CDHR4: variants seen among roughly 807,000 people sequenced by gnomAD.
CDHR4 encodes cadherin related family member 4.
A neutral mutation model predicts 88.4 loss-of-function variants in CDHR4; 89 were observed. The observed-to-expected ratio is 1.01, with a 90% CI of 0.85 to 1.20. The LOEUF (loss-of-function observed/expected upper bound fraction) is 1.20, where lower values mean the gene tolerates loss of function less well. Among genes scored for constraint, CDHR4 ranks in the 50% most tolerant of loss-of-function variants. CDHR4 has a pLI of 0.00. For synonymous variants in CDHR4, 368 were observed against 399.2 expected, an observed-to-expected ratio of 0.92 and a Z score of 0.93; for missense variants, 914 against 1,007.2, an observed-to-expected ratio of 0.91 and a Z score of 1.25.
intron 1 of CDHR4, 131 bp downstream of exon 1, chr3:49,799,633 G>A: frequency 9.1e-7 from 1 of 1,096,540 alleles, no homozygotes; most frequent in Non-Finnish European, 1.3e-6. Flanking sequence ...AAGAGAAGGG[G>A]TGAGGGCCAG....
rs565994358 is a variant in CDHR4, at chr3:49,799,098, T to G, written c.299A>C (p.Gln100Pro). 6.3e-6 allele frequency: 10 copies of G among 1,577,188 alleles called. No individual in the cohort carries two copies. In the South Asian group the frequency reaches 1.2e-4, roughly 18 times the overall value. The change falls in exon 3 of 19, where the codon CAG (glutamine) becomes CCG (proline). Residue 100 changes from glutamine to proline, a missense_variant. Physicochemically the swap from Gln to Pro is moderately conservative, Grantham distance 76 (BLOSUM62 -1). Coordinates refer to ENST00000412678, the MANE Select transcript of CDHR4 (RefSeq NM_001007540.4). ...DALMVNHYKV[Q>P]LKFTCGNHVM... ...ATGGTTGCCACATGTGAACTTCAGC[T>G]GCACCTTGTAGTGGTTCACCATCAG...
intron 12 of CDHR4, 101 bp downstream of exon 12, chr3:49,793,482 G>A (rs1454702517): frequency 6.7e-6 from 10 of 1,488,196 alleles, no homozygotes. Flanking sequence ...GCCAACTCGT[G>A]GAAGAAACCA....
At chr3:49,802,489 C>T (rs1335903660), upstream of CDHR4, among the ~76,000 whole-genome samples, 2 of 152,172 alleles carry the variant, frequency 1.3e-5, no homozygotes, top group Admixed American at 1.3e-4. Flanking sequence ...TGCCCCTCTT[C>T]TTGATTGCAT....
chr3:49,795,185 C>A lies in CDHR4; in HGVS notation c.1031+11G>T. On this transcript the variant is annotated intron_variant, in intron 8 of 18. Transcript: ENST00000412678. This position sits in a 1 kb window ranked among gnomAD's most constrained non-coding sequence, Gnocchi z 5.4. ...ACCCCAGCAGCCCAAGTATGGTTCC[C>A]GGGTACTCACACCAGAAGCGCTGGG... is the stretch of plus-strand genomic sequence containing the variant. The A allele has an allele frequency of 6.4e-7, 1 of 1,551,590 alleles. No individual in the cohort carries two copies. Among genetic ancestry groups the A allele is most frequent in the Non-Finnish European group, 8.7e-7 (1 of 1,146,958 alleles).
Position 49,794,214 on chromosome 3 carries a change from C to G in CDHR4, c.1280-208G>C, listed in dbSNP as rs1480194419. On this transcript the variant is annotated intron_variant, in intron 10 of 18. Transcript: ENST00000412678. ...GAGATTGAGACTATCCTGGCTAACA[C>G]AGTGAAACCCCGTCTCTACTGAAAA... is the stretch of plus-strand genomic sequence containing the variant. Among the ~76,000 whole-genome samples the G allele has an allele frequency of 2.0e-5, 3 of 152,088 alleles. No homozygotes were observed. In the East Asian group the frequency reaches 5.8e-4, roughly 29 times the overall value.
upstream of CDHR4, among the ~76,000 whole-genome samples, chr3:49,800,706 C>A (rs1388494098): frequency 1.3e-5 from 2 of 151,968 alleles, no homozygotes. Context: ...CAGATTTTAA[C>A]ATTTACTGGG....
rs772050771 is a variant in CDHR4, at chr3:49,795,030, C to G, written c.1102G>C (p.Val368Leu). The change falls in exon 9 of 19, where the codon GTT becomes CTT. Residue 368 changes from valine to leucine, a missense_variant. Val to Leu is a conservative substitution (Grantham distance 32, BLOSUM62 1). Coordinates refer to ENST00000412678, the MANE Select transcript of CDHR4 (RefSeq NM_001007540.4). This position sits in a 1 kb window ranked among gnomAD's most constrained non-coding sequence, Gnocchi z 5.4. ...NTLTCEDPDS[V>L]GATLDYKLWF... ...AGCTTGTAGTCCAGGGTGGCACCAA[C>G]AGAGTCCGGATCTTCGCAAGTGAGA... 3 of 1,551,574 alleles carry G rather than the reference C, an allele frequency of 1.9e-6. No individual in the cohort carries two copies. The highest frequency in any genetic ancestry group is 2.6e-6 in the Non-Finnish European group (3 of 1,146,994).
At chr3:49,798,967 C>G (rs1302164985) in intron 3 of CDHR4, 27 bp downstream of exon 3, 3 of 1,610,926 alleles carry the variant, frequency 1.9e-6, no homozygotes, top group South Asian at 2.2e-5. Context: ...TGCCTGCCCC[C>G]ACCCTGCCGG....
rs1460737011 is a variant in CDHR4, at chr3:49,793,717, C to T, written c.1489G>A (p.Val497Ile). The T allele has an allele frequency of 6.4e-7, 1 of 1,551,630 alleles. No individual in the cohort carries two copies. Among genetic ancestry groups the T allele is most frequent in the African/African-American group, 1.4e-5 (1 of 73,068 alleles). Residue 497 changes from valine to isoleucine, a missense_variant, in exon 12 of 19, where the codon GTT becomes ATT. By Grantham distance (29) the Val-to-Ile change is conservative. Coordinates refer to ENST00000412678, the MANE Select transcript of CDHR4 (RefSeq NM_001007540.4). Reference sequence around the variant, plus strand: ...TAGTCCAAAGGTCCCAGGAGGTGAACTTCCCCTAGAGGGGGAGACCACAGC... The same window carrying T: ...TAGTCCAAAGGTCCCAGGAGGTGAATTTCCCCTAGAGGGGGAGACCACAGC... The part of the protein sequence containing the change: ...TFAVDRLSGE[V>I]HLLGPLDYEQ...
rs2108283419 is a variant in CDHR4 at position 49,795,700 on chromosome 3, G to A, written c.775C>T (p.Gln259Ter). ...TAGCGCAGGTCGACACCCCGGGCCTGGACCTGAACCACCTCACTACCGGGG... is the reference window on the plus strand; with the variant it reads ...TAGCGCAGGTCGACACCCCGGGCCTAGACCTGAACCACCTCACTACCGGGG... ...LAPGSEVVQVQARGVDLRYEI... is the reference protein window; with the variant it reads ...LAPGSEVVQV Residue 259 changes from glutamine to a stop codon, truncating the protein, a stop_gained, in exon 7 of 19, where the codon CAG becomes TAG. Coordinates refer to ENST00000412678, the MANE Select transcript of CDHR4 (RefSeq NM_001007540.4). LOFTEE classifies it high-confidence loss of function. This position sits in a 1 kb window ranked among gnomAD's most constrained non-coding sequence, Gnocchi z 5.4. The A allele has an allele frequency of 6.4e-7, 1 of 1,551,706 alleles. No homozygotes were observed. The highest frequency in any genetic ancestry group is 1.2e-5 in the South Asian group (1 of 84,056).
At chr3:49,798,970 C>G in intron 3 of CDHR4, 24 bp downstream of exon 3, 1 of 1,610,982 alleles carries the variant, frequency 6.2e-7, no homozygotes, top group South Asian at 1.1e-5. Flanking sequence ...CTGCCCCCAC[C>G]CTGCCGGCTG....
At position 49,790,876 on chromosome 3, in the gene CDHR4, C is replaced by T; in HGVS notation, c.2323G>A (p.Asp775Asn). Residue 775 changes from aspartate to asparagine, a missense_variant, in exon 19 of 19, where the codon GAC (aspartate) becomes AAC (asparagine). Physicochemically the swap from Asp to Asn is conservative, Grantham distance 23. Transcript: ENST00000412678. ...CCTGTGTGTGTGTTAAACAGGTAGT[C>T]TCTTCCGGTACCTAAAACCGGTAGG... Reference protein sequence around the residue: ...GRAQDSRTGRDYLFNTHTGAR... With the variant: ...GRAQDSRTGRNYLFNTHTGAR... The T allele has an allele frequency of 6.4e-7, 1 of 1,551,340 alleles. No homozygotes were observed.
Position 49,797,027 on chromosome 3 carries a change from G to A in CDHR4, c.501C>T (p.Ser167=), listed in dbSNP as rs1009944311. ...PGLELHGAQM[S]IISAQDLPHF... ...GTGGCAGGTCCTGGGCACTGATAAT[G>A]CTCATCTGACAGAACAGAGATGCTG... The change falls in exon 5 of 19, where the codon AGC becomes AGT. Residue 167 remains serine, a synonymous_variant. Coordinates refer to ENST00000412678, the MANE Select transcript of CDHR4 (RefSeq NM_001007540.4). 3.9e-6 allele frequency: 6 copies of A among 1,551,326 alleles called. No individual in the cohort carries two copies. The African/African-American group carries it at 6.8e-5, about 18-fold the overall frequency.
In CDHR4 at chr3:49,795,639, G is replaced by C; in HGVS notation, c.836C>G (p.Ser279Cys). The C allele has an allele frequency of 6.4e-7, 1 of 1,551,618 alleles. No individual in the cohort carries two copies. Among genetic ancestry groups the C allele is most frequent in the Non-Finnish European group, 8.7e-7 (1 of 1,146,978 alleles). Residue 279 changes from serine (S) to cysteine (C), a missense_variant, in exon 7 of 19, where the codon TCC becomes TGC. Ser to Cys is a moderately radical substitution (Grantham distance 112). Transcript: ENST00000412678. This position sits in a 1 kb window ranked among gnomAD's most constrained non-coding sequence, Gnocchi z 5.4. ...CCAACACCTCTCACCACGACCAATG[G>C]AGAAGAGTGGGCTGGGCACCGGAGA... ...ILSPVPSPLF[S>C]IGRADGVVRT...
chr3:49,794,409 A>G (rs113964024), intron 10 of CDHR4, among the ~76,000 whole-genome samples, 199 bp downstream of exon 10: 1 of 151,794 alleles, frequency 6.6e-6, no homozygotes, highest in African/African-American at 2.4e-5. Flanking sequence ...AAAAAAAAAA[A>G]AGAGAGTGAG....
At position 49,794,964 on chromosome 3, in the gene CDHR4, A is replaced by G. The variant is rs1226205602; in HGVS notation, c.1168T>C (p.Tyr390His). ...CTGGGCACCTCAAGGACTCTGTCAT[A>G]AAGGCAGAGGCTGGCAGGGTTGGAA... is the stretch of plus-strand genomic sequence containing the variant. ...SSSNPASLCL[Y>H]DRVLEVNATL... Residue 390 changes from tyrosine to histidine, a missense_variant, in exon 9 of 19, where the codon TAT becomes CAT. By Grantham distance (83) the Tyr-to-His change is moderately conservative. Coordinates refer to ENST00000412678, the MANE Select transcript of CDHR4 (RefSeq NM_001007540.4). 6.4e-7 allele frequency: 1 copy of G among 1,551,560 alleles called. No individual in the cohort carries two copies. Among genetic ancestry groups the G allele is most frequent in the Non-Finnish European group, 8.7e-7 (1 of 1,146,990 alleles).
At chr3:49,798,787 C>A (rs767572312) in intron 4 of CDHR4, 39 bp downstream of exon 4, 14 of 1,593,490 alleles carry the variant, frequency 8.8e-6, no homozygotes, top group Non-Finnish European at 1.2e-5. Context: ...ATCCCCCCAC[C>A]CCCATCCTGT....
chr3:49,796,114 C>T, intron 5 of CDHR4, 68 bp from the exon 6 acceptor site: 1 of 1,214,400 alleles, frequency 8.2e-7, no homozygotes, highest in Non-Finnish European at 1.1e-6. Context: ...ATGCCCAGTC[C>T]TCCCCTTAAA....
Position 49,795,696 on chromosome 3 carries a change from G to T in CDHR4, c.779C>A (p.Ala260Asp). 1.3e-6 allele frequency: 2 copies of T among 1,551,674 alleles called. No homozygotes were observed. The highest frequency in any genetic ancestry group is 1.2e-5 in the South Asian group (1 of 84,058). ...APGSEVVQVQARGVDLRYEIL... is the reference protein window; with the variant it reads ...APGSEVVQVQDRGVDLRYEIL... Reference sequence around the variant, plus strand: ...TTCATAGCGCAGGTCGACACCCCGGGCCTGGACCTGAACCACCTCACTACC... The same window carrying T: ...TTCATAGCGCAGGTCGACACCCCGGTCCTGGACCTGAACCACCTCACTACC... Residue 260 changes from alanine to aspartate, a missense_variant, in exon 7 of 19, where the codon GCC becomes GAC. Transcript: ENST00000412678. The surrounding 1 kb of genome is among the most constrained non-coding windows in gnomAD (Gnocchi z 5.4).
Sources: gnomAD v4.1 joint callset for allele counts (sites outside exome capture counted in the v4.1 genomes callset) on GRCh38, gnomAD v4.1.1 for gene constraint, Gnocchi (gnomAD v3.1) non-coding constraint, MANE v1.5 for transcripts, NCBI Gene and HGNC (gene_info 2026-07-23, HGNC 2026-07-21) for gene names.